Variants in SREK1 observed in about 807,000 individuals in gnomAD.
SREK1 encodes the protein splicing regulatory glutamine/lysine-rich protein 1.
Under a neutral mutation model 66.5 loss-of-function variants are expected in SREK1, and 13 were observed. The ratio of observed to expected loss-of-function variants is 0.20; its 90% confidence interval spans 0.13 to 0.31. SREK1 has a LOEUF of 0.31. Among genes scored for constraint, SREK1 ranks in the 10% least tolerant of loss-of-function variants. SREK1 has a pLI of 1.00. For synonymous variants in SREK1, 265 were observed against 263.5 expected, an observed-to-expected ratio of 1.01 and a Z score of -0.05; for missense variants, 607 against 769.6, an observed-to-expected ratio of 0.79 and a Z score of 2.50.
At chr5:66,175,463 G>A (rs1745983120) in intron 10 of SREK1, among the ~76,000 whole-genome samples, 1 of 152,002 alleles carries the variant, frequency 6.6e-6, no homozygotes, top group African/African-American at 2.4e-5. Flanking sequence ...TCCGTTGTAT[G>A]GCCATACCTT....
chr5:66,178,334 G>A (rs1290349713), intron 11 of SREK1, among the ~76,000 whole-genome samples: 1 of 151,996 alleles, frequency 6.6e-6, no homozygotes, highest in Non-Finnish European at 1.5e-5. Flanking sequence ...TTTTCCAGGA[G>A]GCATAGTGAC....
Position 66,178,991 on chromosome 5 carries a change from C to T in SREK1, c.*123C>T. On this transcript the variant is annotated 3_prime_UTR_variant, in exon 12 of 12. Coordinates refer to ENST00000334121, the MANE Select transcript of SREK1 (RefSeq NM_001077199.3). ...TGAAGATAGGATCTAACAGCTTTTC[C>T]AGTTGTTAGATGACTTTGTGGCCAT... The T allele has an allele frequency of 8.9e-7, 1 of 1,118,734 alleles. No homozygotes were observed. Among genetic ancestry groups the T allele is most frequent in the South Asian group, 3.0e-5 (1 of 33,472 alleles). 69.3% of individuals were successfully genotyped at this position (1,118,734 alleles called of 1,614,324 possible).
intron 9 of SREK1, among the ~76,000 whole-genome samples, chr5:66,172,483 C>G (rs1263626801): frequency 3.9e-5 from 6 of 152,124 alleles, no homozygotes; most frequent in Non-Finnish European, 7.4e-5. Context: ...GCAACCTCCC[C>G]CTCCTCGGTT....
chr5:66,162,077 T>A, intron 3 of SREK1, 32 bp from the exon 4 acceptor site: 1 of 1,598,376 alleles, frequency 6.3e-7, no homozygotes, highest in Non-Finnish European at 8.5e-7. Context: ...AGAAAATATG[T>A]GTTCTGTGTG....
intron 7 of SREK1, chr5:66,169,276 C>T (rs575827360): frequency 6.6e-6 from 1 of 152,272 alleles, no homozygotes; most frequent in East Asian, 1.9e-4. Context: ...TCTTTTCATA[C>T]AGGTTGAGAC....
chr5:66,149,504 A>C lies in SREK1; in HGVS notation c.162-3959A>C, dbSNP rs183632628. ...TGAAATGTTGGTGGCATGTCTTCAGATGTAGTTGCATTACAAACCAGACTC... is the reference window on the plus strand; with the variant it reads ...TGAAATGTTGGTGGCATGTCTTCAGCTGTAGTTGCATTACAAACCAGACTC... On this transcript the variant is annotated intron_variant, in intron 1 of 11. Coordinates refer to ENST00000334121, the MANE Select transcript of SREK1 (RefSeq NM_001077199.3). Among the ~76,000 whole-genome samples the C allele has an allele frequency of 1.7e-3, 256 of 152,352 alleles. 1 individual carries two copies. Among genetic ancestry groups the C allele is most frequent in the African/African-American group, 5.8e-3 (243 of 41,594 alleles).
At chr5:66,171,190 A>C (rs968857347) in intron 9 of SREK1, among the ~76,000 whole-genome samples, 1 of 152,164 alleles carries the variant, frequency 6.6e-6, no homozygotes, top group African/African-American at 2.4e-5. Flanking sequence ...GAATAATAAT[A>C]ATTGTTATTT....
chr5:66,151,302 A>G (rs1028743173), intron 1 of SREK1, among the ~76,000 whole-genome samples: 3 of 152,232 alleles, frequency 2.0e-5, no homozygotes, highest in Admixed American at 6.5e-5. Flanking sequence ...CTTCTTCAGA[A>G]TAGTGACACA....
At chr5:66,159,597 C>G (rs146538181) in intron 3 of SREK1, among the ~76,000 whole-genome samples, 1,625 of 152,040 alleles carry the variant, frequency 0.011, 13 homozygotes, top group Middle Eastern at 0.034. Context: ...GTTATTAAAA[C>G]TCAATATTTT....
chr5:66,153,776 A>G (rs946645447), intron 2 of SREK1, 180 bp downstream of exon 2: 6 of 674,556 alleles, frequency 8.9e-6, no homozygotes, highest in Non-Finnish European at 2.3e-6. Context: ...AATTTATGAC[A>G]TGTACATTTG....
intron 7 of SREK1, chr5:66,165,729 C>T (rs1745117558): frequency 6.6e-6 from 1 of 152,042 alleles, no homozygotes; most frequent in South Asian, 2.1e-4. Flanking sequence ...TGTGTACATA[C>T]GTACTCCTAT....
chr5:66,147,665 A>G (rs1278278851), intron 1 of SREK1, among the ~76,000 whole-genome samples: 3 of 152,190 alleles, frequency 2.0e-5, no homozygotes, highest in Non-Finnish European at 4.4e-5. Flanking sequence ...ACTTAAGTTT[A>G]TTTAGTTAAA....
chr5:66,183,581 C>G lies in SREK1; in HGVS notation c.*4713C>G, dbSNP rs1261411878. 3 of 152,080 alleles carry G rather than the reference C, an allele frequency of 2.0e-5. No individual in the cohort carries two copies. Among genetic ancestry groups the G allele is most frequent in the African/African-American group, 7.2e-5 (3 of 41,408 alleles). The allele number at this position is 152,080 out of a possible 1,614,324, so 9.4% of individuals were successfully genotyped here. ...ATCAAACAATGCTGCTATTATGTTG[C>G]TATATTTTTAATAAAATGAAAATCT... On this transcript the variant is annotated 3_prime_UTR_variant, in exon 12 of 12. Coordinates refer to ENST00000334121, the MANE Select transcript of SREK1 (RefSeq NM_001077199.3).
At position 66,149,357 on chromosome 5, in the gene SREK1, AAAGG is replaced by A. The variant is rs1333993516; in HGVS notation, c.162-4103_162-4100del. On this transcript the variant is annotated intron_variant, in intron 1 of 11. Coordinates refer to ENST00000334121, the MANE Select transcript of SREK1 (RefSeq NM_001077199.3). ...AGTGTGAAACTCTGTCTCAAAAAAA[AAAGG>A]AAAAGAAAAGAAAAGAAAATTGCTT... 9.9e-4 allele frequency among the ~76,000 whole-genome samples: 151 copies of A among 152,158 alleles called. 1 individual carries two copies. The highest frequency in any genetic ancestry group is 3.4e-3 in the Middle Eastern group (1 of 294).
At position 66,153,448 on chromosome 5, in the gene SREK1, C is replaced by T; in HGVS notation, c.162-15C>T. On this transcript the variant is annotated splice_polypyrimidine_tract_variant and intron_variant, in intron 1 of 11. Coordinates refer to ENST00000334121, the MANE Select transcript of SREK1 (RefSeq NM_001077199.3). ...AATGTTTATTAGTTCAATTGTTTTT[C>T]TTTTTATCTTGCAGCAACGCACCTC... The T allele has an allele frequency of 6.3e-7, 1 of 1,599,026 alleles. No homozygotes were observed. Among genetic ancestry groups the T allele is most frequent in the South Asian group, 1.1e-5 (1 of 88,372 alleles).
chr5:66,170,682 A>C lies in SREK1; in HGVS notation c.1219A>C (p.Lys407Gln). The C allele has an allele frequency of 1.9e-6, 3 of 1,612,878 alleles. No homozygotes were observed. The highest frequency in any genetic ancestry group is 2.5e-6 in the Non-Finnish European group (3 of 1,179,414). Residue 407 changes from lysine to glutamine, a missense_variant, in exon 9 of 12, where the codon AAA becomes CAA. By Grantham distance (53) the Lys-to-Gln change is moderately conservative (BLOSUM62 1). Coordinates refer to ENST00000334121, the MANE Select transcript of SREK1 (RefSeq NM_001077199.3). Reference protein sequence around the residue: ...KEREREKEREKEKERGKNKDR... With the variant: ...KEREREKEREQEKERGKNKDR... ...GAGAGAGAGGGAAAAGGAACGTGAAAAAGAAAAGGAACGGGGTAAAAACAA... is the reference window on the plus strand; with the variant it reads ...GAGAGAGAGGGAAAAGGAACGTGAACAAGAAAAGGAACGGGGTAAAAACAA...
In SREK1 at chr5:66,148,804, T is replaced by C. The variant is rs535471887; in HGVS notation, c.161+4267T>C. Reference sequence around the variant, plus strand: ...GCATACATTTAGACCAAATGGAATATGTCATCCCTTTTTATGTGTTTTTTT... The same window carrying C: ...GCATACATTTAGACCAAATGGAATACGTCATCCCTTTTTATGTGTTTTTTT... On this transcript the variant is annotated intron_variant, in intron 1 of 11. Transcript: ENST00000334121. 1.1e-3 allele frequency among the ~76,000 whole-genome samples: 161 copies of C among 145,984 alleles called. 2 individuals are homozygous for C. The highest frequency in any genetic ancestry group is 3.4e-3 in the Middle Eastern group (1 of 290).
At chr5:66,175,627 T>G (rs1462474586) in intron 10 of SREK1, among the ~76,000 whole-genome samples, 1 of 152,174 alleles carries the variant, frequency 6.6e-6, no homozygotes, top group Non-Finnish European at 1.5e-5. Flanking sequence ...AGTTAGATAA[T>G]AAGCATGTTT....
Position 66,153,499 on chromosome 5 carries a change from T to C in SREK1, c.198T>C (p.Tyr66=), listed in dbSNP as rs376349189. ...TTGCTTTTTCCTCCAAAGTATGTTATGTTAAGTTTCGTGATCCATCAAGTG... is the reference window on the plus strand; with the variant it reads ...TTGCTTTTTCCTCCAAAGTATGTTACGTTAAGTTTCGTGATCCATCAAGTG... ...APLAFSSKVC[Y]VKFRDPSSVG... is the part of the protein sequence containing the mutation. Residue 66 remains tyrosine, a synonymous_variant, in exon 2 of 12, where the codon TAT becomes TAC. Transcript: ENST00000334121. 9 of 1,614,020 alleles carry C rather than the reference T, an allele frequency of 5.6e-6. No individual in the cohort carries two copies. Among genetic ancestry groups the C allele is most frequent in the South Asian group, 4.4e-5 (4 of 91,038 alleles).
Sources: gnomAD v4.1 joint callset for allele counts (sites outside exome capture counted in the v4.1 genomes callset) on GRCh38, gnomAD v4.1.1 for gene constraint, MANE v1.5 for transcripts, NCBI Gene and HGNC (gene_info 2026-07-23, HGNC 2026-07-21) for gene names.